Variants in RPTOR observed in about 807,000 individuals in gnomAD.
The protein encoded by RPTOR is regulatory-associated protein of mTOR.
In RPTOR, 21 loss-of-function variants were observed where a neutral mutation model predicts 169.9. The observed-to-expected ratio is 0.12, with a 90% CI of 0.09 to 0.18. The LOEUF (loss-of-function observed/expected upper bound fraction) is 0.18. Among genes scored for constraint, RPTOR ranks in the 10% least tolerant of loss-of-function variants. The pLI, the probability that RPTOR is intolerant of heterozygous loss-of-function variation, is 1.00. For synonymous variants in RPTOR, 732 were observed against 753.2 expected (o/e 0.97, Z 0.46); for missense variants, 1,133 against 1,855.9 (o/e 0.61, Z 7.16).
Position 80,959,034 on chromosome 17 carries a change from A to T in RPTOR, c.3478-1044A>T, listed in dbSNP as rs59595927. ...GGATGGCTCAGCCCTGCTGCCGTAG[A>T]GGGCGGTGTGGAGCAGGCCCAGCAG... On this transcript the variant is annotated intron_variant, in intron 29 of 33. Coordinates refer to ENST00000306801, the MANE Select transcript of RPTOR (RefSeq NM_020761.3). The surrounding 1 kb of genome is among the most constrained non-coding windows in gnomAD (Gnocchi z 6.7). Among the ~76,000 whole-genome samples the T allele has an allele frequency of 0.022, 3,310 of 152,322 alleles. 126 individuals are homozygous for T. Among genetic ancestry groups the T allele is most frequent in the African/African-American group, 0.076 (3,162 of 41,574 alleles).
intron 3 of RPTOR, among the ~76,000 whole-genome samples, chr17:80,667,618 C>T (rs571029731): frequency 6.3e-4 from 96 of 152,360 alleles, no homozygotes; most frequent in African/African-American, 2.2e-3. Context: ...AAGCCCTTCG[C>T]ACCCATGACC....
chr17:80,738,204 G>A (rs553783030), intron 5 of RPTOR, among the ~76,000 whole-genome samples: 4 of 152,238 alleles, frequency 2.6e-5, no homozygotes, highest in Admixed American at 6.5e-5. Flanking sequence ...GCCCGGCCCC[G>A]TGTACCTGGC....
chr17:80,685,627 A>ATTTTTTTTTTTTTT (rs1165540456), intron 3 of RPTOR, among the ~76,000 whole-genome samples: 2 of 30,700 alleles, frequency 6.5e-5, no homozygotes, highest in Non-Finnish European at 1.1e-4. Flanking sequence ...ATATATATAT[A>ATTTTTTTTTTTTTT]TTTTTTTTTT....
intron 17 of RPTOR, among the ~76,000 whole-genome samples, chr17:80,888,350 A>G (rs1159976445): frequency 1.3e-5 from 2 of 152,158 alleles, no homozygotes; most frequent in Non-Finnish European, 2.9e-5. Context: ...TCCTGGGCTC[A>G]AGTGATCCAC....
chr17:80,690,668 G>A (rs1462832707), intron 3 of RPTOR, among the ~76,000 whole-genome samples: 1 of 152,076 alleles, frequency 6.6e-6, no homozygotes, highest in Non-Finnish European at 1.5e-5. Flanking sequence ...TTCAGTCAGG[G>A]AATGTTTCAT....
At chr17:80,644,172 T>C (rs2065574940) in intron 3 of RPTOR, among the ~76,000 whole-genome samples, 1 of 152,236 alleles carries the variant, frequency 6.6e-6, no homozygotes, top group Non-Finnish European at 1.5e-5. Context: ...GTTAACGCTA[T>C]TCCGCGTGTC....
chr17:80,772,921 G>C (rs900828320), intron 6 of RPTOR, among the ~76,000 whole-genome samples: 1 of 152,172 alleles, frequency 6.6e-6, no homozygotes, highest in African/African-American at 2.4e-5. Flanking sequence ...GGCAGAGCCA[G>C]GGCTACGATT....
chr17:80,818,958 T>A (rs9893680), intron 7 of RPTOR, among the ~76,000 whole-genome samples: 1 of 152,000 alleles, frequency 6.6e-6, no homozygotes, highest in African/African-American at 2.4e-5. Context: ...TGTTAACCAG[T>A]GGTCACAGAC....
At chr17:80,692,309 G>A (rs2065999877) in intron 3 of RPTOR, among the ~76,000 whole-genome samples, 1 of 150,378 alleles carries the variant, frequency 6.6e-6, no homozygotes, top group African/African-American at 2.4e-5. Context: ...GTTATGTTAT[G>A]TTATGTTATG....
intron 11 of RPTOR, among the ~76,000 whole-genome samples, chr17:80,848,591 CG>C (rs2067758199): frequency 1.3e-5 from 2 of 152,216 alleles, no homozygotes; most frequent in South Asian, 4.1e-4. Context: ...CACGGGTGAC[CG>C]GGGGTGGCCA....
intron 12 of RPTOR, among the ~76,000 whole-genome samples, chr17:80,856,520 C>T (rs749699712): frequency 6.6e-6 from 1 of 152,134 alleles, no homozygotes. Flanking sequence ...CACTGAAGGA[C>T]GAGAGAAAAC....
At chr17:80,784,892 T>C (rs1193920414) in intron 6 of RPTOR, among the ~76,000 whole-genome samples, 1 of 151,916 alleles carries the variant, frequency 6.6e-6, no homozygotes, top group Non-Finnish European at 1.5e-5. Context: ...TGTTGTTGTT[T>C]TGTTTGTTTA....
chr17:80,703,420 A>T (rs2066117977), intron 3 of RPTOR, among the ~76,000 whole-genome samples: 1 of 152,094 alleles, frequency 6.6e-6, no homozygotes, highest in South Asian at 2.1e-4. Flanking sequence ...TGGACCCTAG[A>T]CCCTGGAGAA....
Position 80,845,595 on chromosome 17 carries a change from C to T in RPTOR, c.1213-878C>T, listed in dbSNP as rs909360197. On this transcript the variant is annotated intron_variant, in intron 10 of 33. Transcript: ENST00000306801. The surrounding 1 kb of genome is among the most constrained non-coding windows in gnomAD (Gnocchi z 5.4). ...TTCCAGTCCCATCCCCCAGCCTGCC[C>T]GAGGATGCCCTCCAGCAGCCTTTCC... is the stretch of plus-strand genomic sequence containing the variant. 5.3e-5 allele frequency among the ~76,000 whole-genome samples: 8 copies of T among 151,960 alleles called. No homozygotes were observed. The highest frequency in any genetic ancestry group is 7.3e-5 in the African/African-American group (3 of 41,360).
At chr17:80,772,460 T>G in intron 6 of RPTOR, among the ~76,000 whole-genome samples, 1 of 67,898 alleles carries the variant, frequency 1.5e-5, no homozygotes, top group Non-Finnish European at 2.7e-5. Flanking sequence ...TGGACCCCCT[T>G]CCTCTCCCTC....
At chr17:80,824,164 A>G (rs2143622114) in intron 9 of RPTOR, among the ~76,000 whole-genome samples, 1 of 152,372 alleles carries the variant, frequency 6.6e-6, no homozygotes, top group East Asian at 1.9e-4. Context: ...TTTAATGTTT[A>G]TAATAAATAT....
intron 1 of RPTOR, among the ~76,000 whole-genome samples, chr17:80,573,527 A>G (rs2064929509): frequency 6.6e-6 from 1 of 152,176 alleles, no homozygotes; most frequent in Non-Finnish European, 1.5e-5. Context: ...ATGCTGTCCT[A>G]AGAGGCAACT....
intron 1 of RPTOR, among the ~76,000 whole-genome samples, chr17:80,575,263 G>A (rs1364793821): frequency 1.3e-5 from 2 of 152,078 alleles, no homozygotes; most frequent in African/African-American, 4.8e-5. Flanking sequence ...CCAAAGTGCT[G>A]GGATTATAGG....
intron 7 of RPTOR, among the ~76,000 whole-genome samples, chr17:80,808,371 C>T (rs942691408): frequency 2.0e-5 from 3 of 152,120 alleles, no homozygotes; most frequent in South Asian, 2.1e-4. Context: ...GCTGCAGTGG[C>T]TCGTGATGCA....
Sources: gnomAD v4.1 joint callset for allele counts (sites outside exome capture counted in the v4.1 genomes callset) on GRCh38, gnomAD v4.1.1 for gene constraint, Gnocchi (gnomAD v3.1) non-coding constraint, MANE v1.5 for transcripts, NCBI Gene and HGNC (gene_info 2026-07-23, HGNC 2026-07-21) for gene names.